Variants in DEPDC5 observed in about 807,000 individuals in gnomAD.
The protein encoded by DEPDC5 is DEP domain containing 5, GATOR1 subcomplex subunit.
Under a neutral mutation model 217.3 loss-of-function variants are expected in DEPDC5, and 73 were observed. That is an observed-to-expected ratio of 0.34 (90% CI 0.28 to 0.41). DEPDC5 has a LOEUF of 0.41. Ranked by LOEUF, DEPDC5 falls within the 10% of genes least tolerant of loss-of-function variation. The pLI is 1.00. For missense variants in DEPDC5, 1,675 were observed against 2,070.1 expected, an observed-to-expected ratio of 0.81 and a Z score of 3.70; for synonymous variants, 733 against 756.7, an observed-to-expected ratio of 0.97 and a Z score of 0.51.
chr22:31,849,610 G>A (rs758299647), intron 31 of DEPDC5, among the ~76,000 whole-genome samples: 9 of 151,904 alleles, frequency 5.9e-5, no homozygotes, highest in Non-Finnish European at 1.2e-4. Flanking sequence ...GTGAAATCCC[G>A]TCTCTACTAA....
chr22:31,903,927 C>G (rs568633910), intron 41 of DEPDC5, among the ~76,000 whole-genome samples: 1 of 152,098 alleles, frequency 6.6e-6, no homozygotes, highest in African/African-American at 2.4e-5. Context: ...TAGCAAGGTG[C>G]CTGCCTAGAG....
intron 38 of DEPDC5, among the ~76,000 whole-genome samples, chr22:31,884,354 C>G (rs552544062): frequency 6.6e-6 from 1 of 152,346 alleles, no homozygotes; most frequent in Non-Finnish European, 1.5e-5. Context: ...CACACACTCT[C>G]TCCTGCTGGC....
intron 37 of DEPDC5, among the ~76,000 whole-genome samples, chr22:31,877,675 G>A (rs575176017): frequency 1.5e-4 from 20 of 136,106 alleles, no homozygotes; most frequent in Non-Finnish European, 2.7e-4. Flanking sequence ...GCTTGAACCC[G>A]GGAGATGGAG....
intron 24 of DEPDC5, chr22:31,826,494 A>G: frequency 2.3e-6 from 1 of 429,006 alleles, no homozygotes; most frequent in Non-Finnish European, 4.6e-6. Flanking sequence ...GTTCCTCTCT[A>G]TAGAATATGC....
chr22:31,815,266 G>T, intron 21 of DEPDC5, 54 bp downstream of exon 21: 23 of 1,589,350 alleles, frequency 1.4e-5, no homozygotes, highest in Non-Finnish European at 1.1e-5. Flanking sequence ...AATATAGTGG[G>T]TGACTGGAGG....
intron 38 of DEPDC5, 82 bp downstream of exon 38, chr22:31,879,834 C>A: frequency 2.3e-6 from 3 of 1,317,282 alleles, no homozygotes; most frequent in Non-Finnish European, 3.2e-6. Flanking sequence ...GGGAACGATG[C>A]CACATGAACC....
At chr22:31,869,871 G>A (rs2092793563) in intron 33 of DEPDC5, among the ~76,000 whole-genome samples, 3 of 152,180 alleles carry the variant, frequency 2.0e-5, no homozygotes, top group Admixed American at 2.0e-4. Flanking sequence ...AAATGGAGCT[G>A]GCTCACAGGG....
At chr22:31,776,927 C>T (rs1201632765) in intron 7 of DEPDC5, among the ~76,000 whole-genome samples, 1 of 151,796 alleles carries the variant, frequency 6.6e-6, no homozygotes. Flanking sequence ...AAACATCATT[C>T]CCAAAAATGT....
chr22:31,754,675 T>C (rs534941915), intron 1 of DEPDC5, among the ~76,000 whole-genome samples, 187 bp from the exon 2 acceptor site: 1 of 152,362 alleles, frequency 6.6e-6, no homozygotes, highest in East Asian at 1.9e-4. Flanking sequence ...TTCCCCTTAG[T>C]TCCTGGATTC....
intron 13 of DEPDC5, 71 bp downstream of exon 13, chr22:31,797,774 A>G: frequency 8.5e-7 from 1 of 1,175,566 alleles, no homozygotes; most frequent in South Asian, 1.2e-5. Context: ...GACAGAGAAG[A>G]GATGTGTGCT....
At chr22:31,798,764 A>G (rs2086542248) in intron 14 of DEPDC5, 108 bp downstream of exon 14, 8 of 1,094,408 alleles carry the variant, frequency 7.3e-6, no homozygotes, top group Non-Finnish European at 1.0e-5. Flanking sequence ...GATCTTGCAG[A>G]AGAAAGAATT....
chr22:31,837,394 G>C (rs996244685), intron 26 of DEPDC5: 1 of 553,010 alleles, frequency 1.8e-6, no homozygotes, highest in Admixed American at 3.4e-5. Context: ...TCTGTCGCTC[G>C]GGTTGGAGTA....
chr22:31,893,824 T>A, intron 39 of DEPDC5, 73 bp downstream of exon 39: 1 of 1,402,030 alleles, frequency 7.1e-7, no homozygotes, highest in Non-Finnish European at 9.4e-7. Flanking sequence ...TGATAGAGAT[T>A]CATGTCACTT....
chr22:31,888,101 G>A (rs116397410), intron 38 of DEPDC5, among the ~76,000 whole-genome samples: 3,597 of 152,130 alleles, frequency 0.024, 133 homozygotes, highest in African/African-American at 0.077. Flanking sequence ...GGCTCATGGG[G>A]GCTCCCACTT....
chr22:31,844,917 GA>G, intron 29 of DEPDC5, 100 bp from the exon 30 acceptor site: 1 of 1,181,948 alleles, frequency 8.5e-7, no homozygotes. Flanking sequence ...TACTCATGGG[GA>G]GATGGACCTT....
Position 31,828,393 on chromosome 22 carries a change from A to G in DEPDC5, c.2105-5522A>G, listed in dbSNP as rs186134299. ...TTTGAACCCGGGAGGCGGAGGTTGCAGTGAGCCAAGGTCACGCCATTGCAC... is the reference window on the plus strand; with the variant it reads ...TTTGAACCCGGGAGGCGGAGGTTGCGGTGAGCCAAGGTCACGCCATTGCAC... On this transcript the variant is annotated intron_variant, in intron 24 of 42. Coordinates refer to ENST00000651528, the MANE Select transcript of DEPDC5 (RefSeq NM_001242896.3). 2.3e-3 allele frequency among the ~76,000 whole-genome samples: 335 copies of G among 146,288 alleles called. 3 individuals carry two copies. The highest frequency in any genetic ancestry group is 8.1e-3 in the African/African-American group (320 of 39,544).
At chr22:31,871,336 A>G (rs1021061477) in intron 34 of DEPDC5, among the ~76,000 whole-genome samples, 2 of 152,218 alleles carry the variant, frequency 1.3e-5, no homozygotes, top group Non-Finnish European at 2.9e-5. Context: ...AGTCCTTGGC[A>G]AAATCATCTA....
chr22:31,792,019 C>T lies in DEPDC5; in HGVS notation c.625-14C>T, dbSNP rs1163416892. 4 of 1,584,380 alleles carry T rather than the reference C, an allele frequency of 2.5e-6. No homozygotes were observed. The highest frequency in any genetic ancestry group is 3.5e-6 in the Non-Finnish European group (4 of 1,158,668). Reference sequence around the variant, plus strand: ...AAACAAACTTCAACCCTGTTGTTCTCTACTCATGCTTAGGAGAAGAACTGT... The same window carrying T: ...AAACAAACTTCAACCCTGTTGTTCTTTACTCATGCTTAGGAGAAGAACTGT... On this transcript the variant is annotated splice_polypyrimidine_tract_variant and intron_variant, in intron 10 of 42. Transcript: ENST00000651528.
intron 25 of DEPDC5, among the ~76,000 whole-genome samples, chr22:31,836,407 A>G (rs1256152106): frequency 6.6e-6 from 1 of 152,222 alleles, no homozygotes. Context: ...TGGATTGTTA[A>G]AACTCTGTCT....
Sources: gnomAD v4.1 joint callset for allele counts (sites outside exome capture counted in the v4.1 genomes callset) on GRCh38, gnomAD v4.1.1 for gene constraint, MANE v1.5 for transcripts, NCBI Gene and HGNC (gene_info 2026-07-23, HGNC 2026-07-21) for gene names.